The following CFAP20DC variants were observed in gnomAD, a reference collection of about 807,000 sequenced individuals.
CFAP20DC encodes the protein protein CFAP20DC.
Under a neutral mutation model 101.7 loss-of-function variants are expected in CFAP20DC, and 84 were observed. The observed-to-expected ratio is 0.83, with a 90% confidence interval of 0.69 to 0.99. CFAP20DC has a LOEUF of 0.99. CFAP20DC is among the 50% of genes least tolerant of loss of function. The probability of loss-of-function intolerance (pLI) is 0.00; values close to 1 mark genes in which losing one functional copy is unlikely to be tolerated. For synonymous variants in CFAP20DC, 359 were observed against 351.2 expected (o/e 1.02, Z -0.25); for missense variants, 1,007 against 970.3 (o/e 1.04, Z -0.50).
At chr3:58,906,040 T>G (rs763523431) in intron 6 of CFAP20DC, among the ~76,000 whole-genome samples, 2 of 152,198 alleles carry the variant, frequency 1.3e-5, no homozygotes, top group Non-Finnish European at 2.9e-5. Context: ...TGTGACATTG[T>G]GCACCTTACT....
chr3:58,727,644 G>T (rs2067574355), intron 3 of CFAP20DC: 1 of 152,150 alleles, frequency 6.6e-6, no homozygotes, highest in Non-Finnish European at 1.5e-5. Context: ...TCACCATGTT[G>T]GTCAGGCTGG....
At position 59,014,404 on chromosome 3, in the gene CFAP20DC, T is replaced by C. The variant is rs2093648369; in HGVS notation, c.278+25153A>G. Among the ~76,000 whole-genome samples the C allele has an allele frequency of 6.6e-6, 1 of 152,226 alleles. No homozygotes were observed. Among genetic ancestry groups the C allele is most frequent in the African/African-American group, 2.4e-5 (1 of 41,474 alleles). On this transcript the variant is annotated intron_variant, in intron 4 of 16. Coordinates refer to ENST00000482387, the MANE Select transcript of CFAP20DC (RefSeq NM_001394063.1). This position sits in a 1 kb window ranked among gnomAD's most constrained non-coding sequence, Gnocchi z 4.9. ...AAGATAAGGTGACTGGATAATGTTC[T>C]ACTTTTTAACTAAATATTAACTGAA...
At position 59,021,798 on chromosome 3, in the gene CFAP20DC, T is replaced by G. The variant is rs576056052; in HGVS notation, c.278+17759A>C. Among the ~76,000 whole-genome samples, 30 of 152,094 alleles carry G rather than the reference T, an allele frequency of 2.0e-4. No individual in the cohort carries two copies. The South Asian group carries it at 3.5e-3, about 18-fold the overall frequency. On this transcript the variant is annotated intron_variant, in intron 4 of 16. Coordinates refer to ENST00000482387, the MANE Select transcript of CFAP20DC (RefSeq NM_001394063.1). ...AAACAAAATCAGAGATGAGAGTAGC[T>G]GCGGGGAAGAGAGAGACAGAGAGAG...
At chr3:58,777,842 C>A (rs1051637449) in intron 15 of CFAP20DC, among the ~76,000 whole-genome samples, 1 of 152,094 alleles carries the variant, frequency 6.6e-6, no homozygotes, top group African/African-American at 2.4e-5. Context: ...CTGGAGACTG[C>A]GTGAAGGCAT....
At chr3:58,853,025 A>C (rs1376493952) in intron 12 of CFAP20DC, among the ~76,000 whole-genome samples, 2 of 152,288 alleles carry the variant, frequency 1.3e-5, no homozygotes, top group African/African-American at 4.8e-5. Flanking sequence ...AAAACCCTTC[A>C]AAAATTAATG....
intron 15 of CFAP20DC, among the ~76,000 whole-genome samples, chr3:58,763,995 T>G (rs2069983801): frequency 6.6e-6 from 1 of 152,156 alleles, no homozygotes; most frequent in Non-Finnish European, 1.5e-5. Flanking sequence ...AGGGACCCAC[T>G]TGAGGCAGTT....
intron 15 of CFAP20DC, among the ~76,000 whole-genome samples, chr3:58,771,796 AC>A (rs1191943765): frequency 6.6e-6 from 1 of 152,110 alleles, no homozygotes; most frequent in African/African-American, 2.4e-5. Flanking sequence ...TCACATCCCC[AC>A]AATTTGCTGC....
At chr3:58,963,821 C>A (rs1464204720) in intron 4 of CFAP20DC, among the ~76,000 whole-genome samples, 1 of 152,122 alleles carries the variant, frequency 6.6e-6, no homozygotes, top group Non-Finnish European at 1.5e-5. Context: ...CCAAGGGGAC[C>A]CCAAACTGAG....
chr3:58,933,552 T>C (rs904397654), intron 5 of CFAP20DC, among the ~76,000 whole-genome samples: 48 of 151,912 alleles, frequency 3.2e-4, no homozygotes, highest in African/African-American at 8.0e-4. Flanking sequence ...TGTAAAAGAA[T>C]AGAAATTATA....
At chr3:58,974,331 C>T (rs1267327165) in intron 4 of CFAP20DC, among the ~76,000 whole-genome samples, 3 of 152,116 alleles carry the variant, frequency 2.0e-5, no homozygotes, top group Non-Finnish European at 4.4e-5. Context: ...CAATGTTTAG[C>T]TCCCACTTTA....
rs1045541850 is a variant in CFAP20DC at position 58,971,460 on chromosome 3, C to T, written c.279-33698G>A. On this transcript the variant is annotated intron_variant, in intron 4 of 16. Coordinates refer to ENST00000482387, the MANE Select transcript of CFAP20DC (RefSeq NM_001394063.1). The surrounding 1 kb of genome is among the most constrained non-coding windows in gnomAD (Gnocchi z 4.1). ...CTTTCTATCCTTCCTCACCTATGCT[C>T]TCCAGAATGTATCACTATAATTGCA... is the stretch of plus-strand genomic sequence containing the variant. Among the ~76,000 whole-genome samples, 3 of 152,134 alleles carry T rather than the reference C, an allele frequency of 2.0e-5. No homozygotes were observed. The highest frequency in any genetic ancestry group is 7.2e-5 in the African/African-American group (3 of 41,440).
intron 5 of CFAP20DC, among the ~76,000 whole-genome samples, chr3:58,931,096 A>C (rs1362312700): frequency 6.6e-6 from 1 of 152,182 alleles, no homozygotes; most frequent in Non-Finnish European, 1.5e-5. Flanking sequence ...TGGGGCTTAA[A>C]AAACGGCGCA....
chr3:58,967,071 A>C (rs1048183076), intron 4 of CFAP20DC, among the ~76,000 whole-genome samples: 1 of 152,216 alleles, frequency 6.6e-6, no homozygotes, highest in African/African-American at 2.4e-5. Flanking sequence ...AAGCATGAAC[A>C]AAGTTGGAGG....
rs547626477 is a variant in CFAP20DC, at chr3:58,961,680, T to C, written c.279-23918A>G. Among the ~76,000 whole-genome samples, 12 of 152,314 alleles carry C rather than the reference T, an allele frequency of 7.9e-5. No individual in the cohort carries two copies. In the East Asian group the frequency reaches 2.1e-3, roughly 27 times the overall value. On this transcript the variant is annotated intron_variant, in intron 4 of 16. Transcript: ENST00000482387. ...TTTTCTTGGTGGGAAGATTTTTAAA[T>C]TATTAACTCAATTTCTTTACTTGTT...
Position 58,733,366 on chromosome 3 carries a change from C to CA in CFAP20DC, c.198-15739dup, listed in dbSNP as rs138192703. Among the ~76,000 whole-genome samples, 230 of 148,854 alleles carry CA rather than the reference C, an allele frequency of 1.5e-3. 1 individual carries two copies. The highest frequency in any genetic ancestry group is 4.7e-3 in the African/African-American group (189 of 40,058). On this transcript the variant is annotated intron_variant, in intron 3 of 3. Transcript: ENST00000486145. Reference sequence around the variant, plus strand: ...ACTTAAAGTATAATAATAAAAAAAACAAAAAAAAACTTGATTACAGACTCT... The same window carrying CA: ...ACTTAAAGTATAATAATAAAAAAAACAAAAAAAAAACTTGATTACAGACTCT...
chr3:58,993,419 C>A (rs974278719), intron 4 of CFAP20DC, among the ~76,000 whole-genome samples: 1 of 148,940 alleles, frequency 6.7e-6, no homozygotes, highest in Non-Finnish European at 1.5e-5. Context: ...TGGTGAATTT[C>A]TTTTTTTTTT....
chr3:58,849,190 G>C lies in CFAP20DC; in HGVS notation c.1813C>G (p.Leu605Val). Residue 605 changes from leucine (L) to valine (V), a missense_variant, in exon 13 of 17, where the codon CTT (leucine) becomes GTT (valine). Coordinates refer to ENST00000482387, the MANE Select transcript of CFAP20DC (RefSeq NM_001394063.1). ...CCACACCTTCTTCCAGTTGGAGAAA[G>C]GCATGTTGTAGGCAACAAACTCATT... The part of the protein sequence containing the change: ...FEMSLLPTTC[L>V]SPTGRRCGSC... 1 of 1,536,124 alleles carries C rather than the reference G, an allele frequency of 6.5e-7. No homozygotes were observed. The highest frequency in any genetic ancestry group is 1.2e-5 in the South Asian group (1 of 84,036).
At chr3:58,842,157 A>C (rs1391439760) in intron 13 of CFAP20DC, among the ~76,000 whole-genome samples, 1 of 152,226 alleles carries the variant, frequency 6.6e-6, no homozygotes, top group Non-Finnish European at 1.5e-5. Context: ...CAGTACTCGG[A>C]GGAGCCAAGA....
intron 14 of CFAP20DC, among the ~76,000 whole-genome samples, chr3:58,807,315 C>T (rs2074171822): frequency 6.6e-6 from 1 of 152,142 alleles, no homozygotes; most frequent in Non-Finnish European, 1.5e-5. Context: ...GGAGGCACCC[C>T]CCAGTAGGGG....
Sources: allele counts gnomAD v4.1 joint callset (sites outside exome capture counted in the v4.1 genomes callset), GRCh38; gene constraint gnomAD v4.1.1; non-coding constraint Gnocchi (gnomAD v3.1); transcripts MANE v1.5; gene names NCBI Gene and HGNC (gene_info 2026-07-23, HGNC 2026-07-21).